The following RNF180 variants were observed in gnomAD, a reference collection of about 807,000 sequenced individuals.
RNF180 encodes E3 ubiquitin-protein ligase RNF180.
A neutral mutation model predicts 59.2 loss-of-function variants in RNF180; 38 were observed. That is an observed-to-expected ratio of 0.64 (90% CI 0.50 to 0.84). The LOEUF is 0.84. Among genes scored for constraint, RNF180 ranks in the 40% least tolerant of loss-of-function variants. The pLI, the probability that RNF180 is intolerant of heterozygous loss-of-function variation, is 0.00. For missense variants in RNF180, 705 were observed against 700.9 expected, an observed-to-expected ratio of 1.01 and a Z score of -0.07; for synonymous variants, 262 against 240.3, an observed-to-expected ratio of 1.09 and a Z score of -0.84.
chr5:64,291,579 C>T (rs143212693), intron 5 of RNF180, among the ~76,000 whole-genome samples: 459 of 145,940 alleles, frequency 3.1e-3, no homozygotes, highest in Non-Finnish European at 5.2e-3. Context: ...TGCCCACCAC[C>T]GCACCCGGCT....
chr5:64,304,790 T>G (rs1373725073), intron 5 of RNF180, among the ~76,000 whole-genome samples: 1 of 151,666 alleles, frequency 6.6e-6, no homozygotes, highest in Non-Finnish European at 1.5e-5. Flanking sequence ...GAGGATTGAC[T>G]TCAATTTTGA....
intron 1 of RNF180, among the ~76,000 whole-genome samples, chr5:64,172,841 A>G (rs1051300926): frequency 2.0e-5 from 3 of 152,172 alleles, no homozygotes; most frequent in Admixed American, 6.5e-5. Context: ...CTGTCCAGGT[A>G]CACTGTTGAT....
chr5:64,251,546 C>G (rs1743578612), intron 5 of RNF180, among the ~76,000 whole-genome samples: 1 of 152,152 alleles, frequency 6.6e-6, no homozygotes, highest in African/African-American at 2.4e-5. Flanking sequence ...CCTCAGCCTT[C>G]TGAGTGGGTA....
chr5:64,309,634 C>T (rs946897188), intron 5 of RNF180, among the ~76,000 whole-genome samples: 25 of 151,348 alleles, frequency 1.7e-4, no homozygotes, highest in Non-Finnish European at 3.1e-4. Flanking sequence ...TTGGAGATCT[C>T]TTGAACTGTT....
chr5:64,311,610 T>C (rs1025271869), intron 5 of RNF180, among the ~76,000 whole-genome samples: 2 of 152,030 alleles, frequency 1.3e-5, no homozygotes, highest in African/African-American at 2.4e-5. Flanking sequence ...GAAGATTTTT[T>C]CATAAACTGT....
chr5:64,367,907 A>T (rs1203229324), intron 7 of RNF180, among the ~76,000 whole-genome samples: 1 of 151,702 alleles, frequency 6.6e-6, no homozygotes, highest in African/African-American at 2.4e-5. Flanking sequence ...AAAGATTAAT[A>T]GGTTATCAGT....
intron 6 of RNF180, among the ~76,000 whole-genome samples, chr5:64,327,374 T>G (rs1346734430): frequency 1.3e-5 from 2 of 152,066 alleles, no homozygotes; most frequent in Non-Finnish European, 2.9e-5. Context: ...ACATACATCA[T>G]TAGGTCATTT....
chr5:64,315,996 A>G (rs904388805), intron 5 of RNF180, among the ~76,000 whole-genome samples: 7 of 152,178 alleles, frequency 4.6e-5, no homozygotes, highest in African/African-American at 1.7e-4. Flanking sequence ...GGCACTAGCA[A>G]TTTAACCCAC....
intron 5 of RNF180, among the ~76,000 whole-genome samples, chr5:64,285,451 G>A (rs1002260087): frequency 2.6e-5 from 4 of 152,192 alleles, no homozygotes; most frequent in Non-Finnish European, 5.9e-5. Flanking sequence ...CAGCAAAGCA[G>A]TGAGTTTGGC....
chr5:64,182,715 A>G (rs565430053), intron 1 of RNF180, among the ~76,000 whole-genome samples: 1 of 152,338 alleles, frequency 6.6e-6, no homozygotes, highest in South Asian at 2.1e-4. Context: ...CAAATTGAGT[A>G]TGTCTTGATG....
At chr5:64,283,384 C>T (rs947548618) in intron 5 of RNF180, among the ~76,000 whole-genome samples, 1 of 151,724 alleles carries the variant, frequency 6.6e-6, no homozygotes, top group Non-Finnish European at 1.5e-5. Flanking sequence ...TAAGATGGGT[C>T]TCTTGAAGAC....
intron 7 of RNF180, among the ~76,000 whole-genome samples, chr5:64,358,210 GTATATT>G (rs573880368): frequency 3.2e-4 from 49 of 151,944 alleles, no homozygotes; most frequent in African/African-American, 1.1e-3. Flanking sequence ...CCCCTGTCTG[GTATATT>G]GCTGGTTATT....
intron 7 of RNF180, among the ~76,000 whole-genome samples, chr5:64,331,839 G>A (rs1744923254): frequency 1.3e-5 from 2 of 152,146 alleles, no homozygotes; most frequent in South Asian, 4.1e-4. Context: ...CTGAGCCAGG[G>A]CTGTGACACC....
chr5:64,257,221 C>T (rs1744024269), intron 5 of RNF180, among the ~76,000 whole-genome samples: 1 of 152,188 alleles, frequency 6.6e-6, no homozygotes, highest in South Asian at 2.1e-4. Context: ...TTGCCCTGGC[C>T]AGAACTTCCA....
intron 5 of RNF180, among the ~76,000 whole-genome samples, chr5:64,272,932 A>G (rs978371155): frequency 4.6e-5 from 7 of 152,100 alleles, no homozygotes; most frequent in Non-Finnish European, 1.5e-5. Context: ...TCCAAAAGAC[A>G]CTTAAATGTC....
At chr5:64,231,760 A>G (rs1415715159) in intron 5 of RNF180, among the ~76,000 whole-genome samples, 3 of 152,338 alleles carry the variant, frequency 2.0e-5, no homozygotes, top group Non-Finnish European at 2.9e-5. Flanking sequence ...ATGCAGTGCT[A>G]TCATCTCACT....
intron 6 of RNF180, among the ~76,000 whole-genome samples, chr5:64,327,311 T>G (rs1580258849): frequency 6.6e-6 from 1 of 152,238 alleles, no homozygotes; most frequent in East Asian, 1.9e-4. Flanking sequence ...TTATTATTTC[T>G]TTCCTTCTAA....
In RNF180 at chr5:64,192,921, A is replaced by G. The variant is rs1444616697; in HGVS notation, c.1-7887A>G. On this transcript the variant is annotated intron_variant, in intron 1 of 7. Coordinates refer to ENST00000389100, the MANE Select transcript of RNF180 (RefSeq NM_001113561.2). ...GTGGCATGTATATATATATATATATATATATATATATATATATAAAATGAA... is the reference window on the plus strand; with the variant it reads ...GTGGCATGTATATATATATATATATGTATATATATATATATATAAAATGAA... 4.1e-4 allele frequency among the ~76,000 whole-genome samples: 58 copies of G among 140,104 alleles called. 1 individual carries two copies. The highest frequency in any genetic ancestry group is 1.5e-3 in the African/African-American group (55 of 36,746). 91.9% of individuals were successfully genotyped at this position (140,104 alleles called of 152,430 possible).
chr5:64,214,872 GTT>G (rs1009354145), intron 4 of RNF180, among the ~76,000 whole-genome samples: 1 of 151,612 alleles, frequency 6.6e-6, no homozygotes, highest in East Asian at 1.9e-4. Flanking sequence ...TTGAAAAAAT[GTT>G]TTTTTTAAAT....
Sources: allele counts gnomAD v4.1 joint callset (sites outside exome capture counted in the v4.1 genomes callset), GRCh38; gene constraint gnomAD v4.1.1; transcripts MANE v1.5; gene names NCBI Gene and HGNC (gene_info 2026-07-23, HGNC 2026-07-21).